The following GRID2 variants were observed in gnomAD, a reference collection of about 807,000 sequenced individuals.
GRID2 encodes glutamate ionotropic receptor delta type subunit 2.
A neutral mutation model predicts 114.8 loss-of-function variants in GRID2; 33 were observed. The observed-to-expected ratio is 0.29, with a 90% CI of 0.22 to 0.38. The LOEUF (loss-of-function observed/expected upper bound fraction) is 0.38, where lower values mean the gene tolerates loss of function less well. Among genes scored for constraint, GRID2 ranks in the 10% least tolerant of loss-of-function variants. The pLI is 1.00. For missense variants in GRID2, 1,184 were observed against 1,257.7 expected, an observed-to-expected ratio of 0.94 and a Z score of 0.89; for synonymous variants, 505 against 449.9, an observed-to-expected ratio of 1.12 and a Z score of -1.55.
At chr4:93,355,036 A>G (rs1761197516) in intron 8 of GRID2, among the ~76,000 whole-genome samples, 1 of 151,646 alleles carries the variant, frequency 6.6e-6, no homozygotes. Context: ...TATTATTATC[A>G]TCAACATGTA....
At chr4:93,362,506 TACCCTTTAC>T in intron 8 of GRID2, among the ~76,000 whole-genome samples, 1 of 152,024 alleles carries the variant, frequency 6.6e-6, no homozygotes, top group Non-Finnish European at 1.5e-5. Context: ...TTTTTTCTTT[TACCCTTTAC>T]ACAGTTTCAT....
chr4:93,361,822 A>G (rs1013579049), intron 8 of GRID2, among the ~76,000 whole-genome samples: 1 of 151,958 alleles, frequency 6.6e-6, no homozygotes, highest in African/African-American at 2.4e-5. Context: ...TCCTGCTGCT[A>G]GTTTTTTTTT....
At chr4:92,419,478 ATAAATT>A (rs1443657333) in intron 1 of GRID2, among the ~76,000 whole-genome samples, 1 of 152,156 alleles carries the variant, frequency 6.6e-6, no homozygotes, top group Non-Finnish European at 1.5e-5. Context: ...AATACGTCAA[ATAAATT>A]TAAACAACAT....
intron 8 of GRID2, among the ~76,000 whole-genome samples, chr4:93,387,311 T>G (rs72884535): frequency 0.22 from 33,478 of 152,156 alleles, 5,496 homozygotes; most frequent in African/African-American, 0.46. Flanking sequence ...TAAAACAACT[T>G]ATTTTATTCT....
chr4:92,846,361 C>A, intron 2 of GRID2, among the ~76,000 whole-genome samples: 1 of 152,006 alleles, frequency 6.6e-6, no homozygotes, highest in East Asian at 1.9e-4. Context: ...GTATTGTACT[C>A]ATCTTTATGT....
At chr4:92,409,706 AT>A (rs2110297716) in intron 1 of GRID2, among the ~76,000 whole-genome samples, 1 of 152,316 alleles carries the variant, frequency 6.6e-6, no homozygotes, top group Admixed American at 6.5e-5. Context: ...GGGTTATAAA[AT>A]AAATATAGTT....
At chr4:92,732,411 G>T (rs192795571) in intron 2 of GRID2, among the ~76,000 whole-genome samples, 1 of 151,980 alleles carries the variant, frequency 6.6e-6, no homozygotes, top group Non-Finnish European at 1.5e-5. Context: ...GTATGTGCTA[G>T]AGTTAAAATG....
chr4:92,562,523 A>G (rs1727143494), intron 1 of GRID2, among the ~76,000 whole-genome samples: 1 of 152,220 alleles, frequency 6.6e-6, no homozygotes, highest in African/African-American at 2.4e-5. Flanking sequence ...TGGATAAATT[A>G]TATTCCAAGT....
At chr4:93,270,257 C>T (rs1442536628) in intron 8 of GRID2, among the ~76,000 whole-genome samples, 1 of 144,288 alleles carries the variant, frequency 6.9e-6, no homozygotes, top group East Asian at 2.0e-4. Flanking sequence ...CACACACACA[C>T]ACGAGGTTGC....
intron 7 of GRID2, among the ~76,000 whole-genome samples, chr4:93,230,471 A>G (rs2149499752): frequency 6.6e-6 from 1 of 152,236 alleles, no homozygotes; most frequent in Non-Finnish European, 1.5e-5. Flanking sequence ...TTGTAAAGAA[A>G]GTATTCTTCT....
rs536549136 is a variant in GRID2, at chr4:92,314,118, A to G, written c.88+9374A>G. Among the ~76,000 whole-genome samples the G allele has an allele frequency of 4.6e-5, 7 of 151,440 alleles. No homozygotes were observed. The East Asian group carries it at 7.8e-4, about 17-fold the overall frequency. ...TTTTTTTTCTTTTTCTTTTTCTTTTATAAATTGGATCAAGTGACACCAGGC... is the reference window on the plus strand; with the variant it reads ...TTTTTTTTCTTTTTCTTTTTCTTTTGTAAATTGGATCAAGTGACACCAGGC... On this transcript the variant is annotated intron_variant, in intron 1 of 15. Transcript: ENST00000282020.
chr4:92,487,280 A>G (rs1033460891), intron 1 of GRID2, among the ~76,000 whole-genome samples: 1 of 151,940 alleles, frequency 6.6e-6, no homozygotes, highest in South Asian at 2.1e-4. Flanking sequence ...TAGATATTAT[A>G]TTATTTCTTG....
chr4:93,042,696 T>TATATAG (rs926712755), intron 2 of GRID2, among the ~76,000 whole-genome samples: 5 of 144,692 alleles, frequency 3.5e-5, no homozygotes, highest in African/African-American at 1.3e-4. Flanking sequence ...TATATGCATA[T>TATATAG]ATATATGCAT....
chr4:92,530,186 C>A (rs1291236503), intron 1 of GRID2, among the ~76,000 whole-genome samples: 3 of 151,706 alleles, frequency 2.0e-5, no homozygotes, highest in Non-Finnish European at 2.9e-5. Context: ...AGAAAATCAC[C>A]ATTTTCAAAC....
At chr4:93,021,663 G>A (rs201855961) in intron 2 of GRID2, among the ~76,000 whole-genome samples, 1 of 140,874 alleles carries the variant, frequency 7.1e-6, no homozygotes, top group Non-Finnish European at 1.5e-5. Flanking sequence ...TTTATAATAT[G>A]TATACTATAA....
chr4:93,426,615 T>C (rs571964287), intron 10 of GRID2, among the ~76,000 whole-genome samples: 3 of 152,250 alleles, frequency 2.0e-5, no homozygotes, highest in African/African-American at 7.2e-5. Flanking sequence ...AGTCCAAGTA[T>C]GTTAATGGTA....
intron 10 of GRID2, among the ~76,000 whole-genome samples, chr4:93,443,307 TACC>T (rs1327107917): frequency 6.6e-6 from 1 of 152,008 alleles, no homozygotes; most frequent in Non-Finnish European, 1.5e-5. Context: ...CATATACACT[TACC>T]ACCATCTCTG....
intron 2 of GRID2, among the ~76,000 whole-genome samples, chr4:92,700,998 A>C (rs78248979): frequency 2.3e-5 from 3 of 132,858 alleles, no homozygotes; most frequent in African/African-American, 7.6e-5. Flanking sequence ...CATCTCAAAA[A>C]AAAAAAAAAA....
At chr4:92,330,407 C>T (rs1292886342) in intron 1 of GRID2, among the ~76,000 whole-genome samples, 3 of 152,040 alleles carry the variant, frequency 2.0e-5, no homozygotes, top group Non-Finnish European at 2.9e-5. Context: ...GACCTCTGTA[C>T]AAGCGTGTCT....
Sources: allele counts gnomAD v4.1 joint callset (sites outside exome capture counted in the v4.1 genomes callset), GRCh38; gene constraint gnomAD v4.1.1; transcripts MANE v1.5; gene names NCBI Gene and HGNC (gene_info 2026-07-23, HGNC 2026-07-21).